The following PDE4D variants were observed in gnomAD, a reference collection of about 807,000 sequenced individuals.
PDE4D encodes 3',5'-cyclic-AMP phosphodiesterase 4D.
PDE4D carries 24 observed loss-of-function variants against 87.4 expected under a neutral mutation model. The ratio of observed to expected loss-of-function variants is 0.27; its 90% CI spans 0.20 to 0.39. The LOEUF is 0.39. PDE4D is among the 10% of genes least tolerant of loss of function. PDE4D has a pLI of 1.00. For missense variants in PDE4D, 714 were observed against 1,041.0 expected (o/e 0.69, Z 4.32); for synonymous variants, 384 against 383.2 (o/e 1.00, Z -0.02).
intron 1 of PDE4D, among the ~76,000 whole-genome samples, chr5:60,236,023 A>G (rs1297394619): frequency 1.3e-5 from 2 of 151,922 alleles, no homozygotes; most frequent in East Asian, 3.9e-4. Flanking sequence ...TGCTGGAGCA[A>G]TGCATACAGA....
At position 59,703,301 on chromosome 5, in the gene PDE4D, C is replaced by G. The variant is rs192056139; in HGVS notation, c.455+189867G>C. Among the ~76,000 whole-genome samples the G allele has an allele frequency of 1.9e-4, 29 of 152,232 alleles. No individual in the cohort carries two copies. The East Asian group carries it at 5.0e-3, about 26-fold the overall frequency. Reference sequence around the variant, plus strand: ...CTTACATTGCAAACCTCACTTCAGCCTTGAGGTACAACTATCAATAAAAGA... The same window carrying G: ...CTTACATTGCAAACCTCACTTCAGCGTTGAGGTACAACTATCAATAAAAGA... On this transcript the variant is annotated intron_variant, in intron 1 of 14. Coordinates refer to ENST00000340635, the MANE Select transcript of PDE4D (RefSeq NM_001104631.2).
rs112984304 is a variant in PDE4D, at chr5:60,484,583, C to T, written c.-90+3359G>A. Among the ~76,000 whole-genome samples, 272 of 152,246 alleles carry T rather than the reference C, an allele frequency of 1.8e-3. 1 individual carries two copies. The highest frequency in any genetic ancestry group is 6.2e-3 in the African/African-American group (259 of 41,578). On this transcript the variant is annotated intron_variant, in intron 1 of 16. Coordinates refer to the PDE4D transcript ENST00000502484. ...ATGTTTTCACATACAATGCCACATT[C>T]GTTTATCACAGTAAACCTATCGGTA...
chr5:59,802,351 AAC>A (rs1767230636), intron 1 of PDE4D, among the ~76,000 whole-genome samples: 1 of 151,984 alleles, frequency 6.6e-6, no homozygotes, highest in Non-Finnish European at 1.5e-5. Context: ...TTTTGGGGAA[AAC>A]AGTCATTATA....
chr5:60,076,410 G>A (rs1242439520), intron 2 of PDE4D, among the ~76,000 whole-genome samples: 4 of 152,080 alleles, frequency 2.6e-5, no homozygotes, highest in African/African-American at 4.8e-5. Context: ...CACCCACCTT[G>A]GCCTCCCAAA....
At chr5:59,103,488 A>G (rs1771096797) in intron 5 of PDE4D, among the ~76,000 whole-genome samples, 1 of 139,786 alleles carries the variant, frequency 7.2e-6, no homozygotes, top group Non-Finnish European at 1.6e-5. Flanking sequence ...GTCTTAAAAA[A>G]GCAAAAAAAA....
At chr5:59,360,226 C>T (rs1001343725) in intron 1 of PDE4D, among the ~76,000 whole-genome samples, 1 of 152,116 alleles carries the variant, frequency 6.6e-6, no homozygotes, top group African/African-American at 2.4e-5. Context: ...ACTTGCGCAT[C>T]AAGTCTCTAG....
intron 1 of PDE4D, among the ~76,000 whole-genome samples, chr5:59,647,255 T>C (rs1054151710): frequency 6.6e-6 from 1 of 152,100 alleles, no homozygotes; most frequent in Non-Finnish European, 1.5e-5. Flanking sequence ...TATATGTTAA[T>C]ATTGGTAAAC....
At chr5:60,348,908 GAA>G (rs1758957727) in intron 1 of PDE4D, among the ~76,000 whole-genome samples, 2 of 151,982 alleles carry the variant, frequency 1.3e-5, no homozygotes, top group Admixed American at 6.6e-5. Context: ...GGACCACTAG[GAA>G]AAAGAGGTTA....
At chr5:59,152,710 C>T (rs941004023) in intron 5 of PDE4D, among the ~76,000 whole-genome samples, 5 of 151,762 alleles carry the variant, frequency 3.3e-5, no homozygotes, top group African/African-American at 4.8e-5. Flanking sequence ...CAACTGTAGG[C>T]TTTAGGGAAA....
chr5:59,392,071 C>T (rs1170172723), intron 1 of PDE4D, among the ~76,000 whole-genome samples: 2 of 150,464 alleles, frequency 1.3e-5, no homozygotes, highest in Non-Finnish European at 2.9e-5. Flanking sequence ...TTTTTTTTTA[C>T]AGTACAGAGA....
At chr5:59,914,012 G>A (rs1753721852) in intron 3 of PDE4D, among the ~76,000 whole-genome samples, 1 of 151,982 alleles carries the variant, frequency 6.6e-6, no homozygotes, top group South Asian at 2.1e-4. Context: ...AATAGTCTGG[G>A]CCACCTTGAG....
intron 1 of PDE4D, among the ~76,000 whole-genome samples, chr5:59,773,653 G>T (rs939925126): frequency 6.6e-6 from 1 of 151,862 alleles, no homozygotes; most frequent in Non-Finnish European, 1.5e-5. Context: ...CTCCATGATA[G>T]TTTTCCACTT....
chr5:59,143,212 T>C (rs1191585396), intron 5 of PDE4D, among the ~76,000 whole-genome samples: 1 of 150,290 alleles, frequency 6.7e-6, no homozygotes, highest in East Asian at 2.0e-4. Flanking sequence ...TTTCCTTCTT[T>C]CTTCCTTCCC....
At chr5:59,416,741 T>G (rs943496800) in intron 1 of PDE4D, among the ~76,000 whole-genome samples, 1 of 152,168 alleles carries the variant, frequency 6.6e-6, no homozygotes, top group Non-Finnish European at 1.5e-5. Flanking sequence ...TTCAACAAAG[T>G]CAAAGGCAGA....
intron 1 of PDE4D, among the ~76,000 whole-genome samples, chr5:59,684,611 C>G (rs1749555981): frequency 6.6e-6 from 1 of 152,108 alleles, no homozygotes; most frequent in South Asian, 2.1e-4. Flanking sequence ...GAACCAAGAT[C>G]TAACAGTCTC....
chr5:59,926,274 T>A (rs191000246), intron 3 of PDE4D, among the ~76,000 whole-genome samples: 49 of 151,948 alleles, frequency 3.2e-4, no homozygotes, highest in African/African-American at 1.2e-3. Context: ...AGTGAGTCAA[T>A]GAGGAAATTA....
At chr5:60,158,644 G>A (rs1582906117) in intron 2 of PDE4D, among the ~76,000 whole-genome samples, 1 of 152,152 alleles carries the variant, frequency 6.6e-6, no homozygotes, top group Non-Finnish European at 1.5e-5. Context: ...CTCACTGCAA[G>A]CTCCGCCTCC....
chr5:59,105,173 T>C (rs1268076171), intron 5 of PDE4D, among the ~76,000 whole-genome samples: 3 of 152,212 alleles, frequency 2.0e-5, no homozygotes, highest in African/African-American at 4.8e-5. Flanking sequence ...ATACACCATA[T>C]AGCCAAAAAG....
At chr5:59,981,907 T>C (rs2152825877) in intron 3 of PDE4D, among the ~76,000 whole-genome samples, 1 of 152,344 alleles carries the variant, frequency 6.6e-6, no homozygotes, top group Admixed American at 6.5e-5. Flanking sequence ...AAACAATCTT[T>C]TTTTTAATGT....
Sources: gnomAD v4.1 joint callset for allele counts (sites outside exome capture counted in the v4.1 genomes callset) on GRCh38, gnomAD v4.1.1 for gene constraint, MANE v1.5 for transcripts, NCBI Gene and HGNC (gene_info 2026-07-23, HGNC 2026-07-21) for gene names.